Variants in ETV5 observed in about 807,000 individuals in gnomAD.
The protein encoded by ETV5 is ETS translocation variant 5.
In ETV5, 10 loss-of-function variants were observed where a neutral mutation model predicts 70.0. That is an observed-to-expected ratio of 0.14 (90% CI 0.09 to 0.24). ETV5 has a LOEUF of 0.24. Ranked by LOEUF, ETV5 falls within the 10% of genes least tolerant of loss-of-function variation. The pLI is 1.00. For missense variants in ETV5, 453 were observed against 651.2 expected (o/e 0.70, Z 3.31); for synonymous variants, 216 against 242.2 (o/e 0.89, Z 1.01).
At chr3:186,094,356 T>C (rs975498835) in intron 5 of ETV5, among the ~76,000 whole-genome samples, 6 of 152,184 alleles carry the variant, frequency 3.9e-5, no homozygotes, top group African/African-American at 1.2e-4. Flanking sequence ...CGGGACAAAA[T>C]TGCCTCTTGC....
At chr3:186,099,562 A>G (rs1423490980) in intron 5 of ETV5, among the ~76,000 whole-genome samples, 1 of 152,168 alleles carries the variant, frequency 6.6e-6, no homozygotes, top group African/African-American at 2.4e-5. Context: ...ACCACCACTA[A>G]AACCCAAGAA....
chr3:186,091,351 T>C (rs1714178676), intron 5 of ETV5, among the ~76,000 whole-genome samples: 1 of 152,182 alleles, frequency 6.6e-6, no homozygotes, highest in Non-Finnish European at 1.5e-5. Flanking sequence ...ATTTTTGCTA[T>C]TTGTCATATG....
chr3:186,098,841 G>A (rs1220533263), intron 5 of ETV5, among the ~76,000 whole-genome samples: 2 of 152,038 alleles, frequency 1.3e-5, no homozygotes, highest in Non-Finnish European at 2.9e-5. Context: ...AATGTCTTAT[G>A]TATGCTTCTT....
chr3:186,086,316 T>C (rs1253044649), intron 5 of ETV5, among the ~76,000 whole-genome samples: 1 of 152,224 alleles, frequency 6.6e-6, no homozygotes, highest in Non-Finnish European at 1.5e-5. Context: ...AATTTCATAG[T>C]TGCTTTTCTT....
Position 186,048,413 on chromosome 3 carries a change from A to G in ETV5, c.*226T>C. On this transcript the variant is annotated 3_prime_UTR_variant, in exon 13 of 13. Transcript: ENST00000306376. ...TCCCAGAAACCTCATCAGAATCAAG[A>G]GTTGAGGCACTGGCCTTTTGGTGGT... 1 of 562,844 alleles carries G rather than the reference A, an allele frequency of 1.8e-6. No homozygotes were observed. Among genetic ancestry groups the G allele is most frequent in the Non-Finnish European group, 3.2e-6 (1 of 313,940 alleles). 34.9% of individuals were successfully genotyped at this position (562,844 alleles called of 1,614,324 possible).
At chr3:186,088,241 C>T (rs1714102946) in intron 5 of ETV5, among the ~76,000 whole-genome samples, 1 of 152,210 alleles carries the variant, frequency 6.6e-6, no homozygotes, top group Non-Finnish European at 1.5e-5. Context: ...AAAGTTGTGT[C>T]TCATGACAGA....
At chr3:186,107,414 T>C (rs1714613688) in intron 1 of ETV5, among the ~76,000 whole-genome samples, 1 of 152,076 alleles carries the variant, frequency 6.6e-6, no homozygotes. Context: ...TAAGACATTT[T>C]GTGAATGTGT....
At chr3:186,050,842 G>A (rs1713010706) in intron 12 of ETV5, among the ~76,000 whole-genome samples, 1 of 152,168 alleles carries the variant, frequency 6.6e-6, no homozygotes, top group Non-Finnish European at 1.5e-5. Flanking sequence ...AATCTGAAAT[G>A]GAAAGGTGAC....
chr3:186,093,568 T>C (rs531793761), intron 5 of ETV5, among the ~76,000 whole-genome samples: 4 of 152,186 alleles, frequency 2.6e-5, no homozygotes, highest in Admixed American at 6.5e-5. Context: ...TGAAATACAA[T>C]TGGTTAGAAG....
At chr3:186,108,800 C>A (rs578005040) in intron 1 of ETV5, 140 bp downstream of exon 1, 74 of 355,092 alleles carry the variant, frequency 2.1e-4, no homozygotes, top group South Asian at 1.9e-3. Flanking sequence ...GGCGGTCAAC[C>A]CGGGGGGGGT....
rs1228997985 is a variant in ETV5 at position 186,047,406 on chromosome 3, C to G, written c.*1233G>C. 1 of 232,230 alleles carries G rather than the reference C, an allele frequency of 4.3e-6. No individual in the cohort carries two copies. Among genetic ancestry groups the G allele is most frequent in the Non-Finnish European group, 8.5e-6 (1 of 117,290 alleles). 14.4% of individuals were successfully genotyped at this position (232,230 alleles called of 1,614,324 possible). On this transcript the variant is annotated 3_prime_UTR_variant, in exon 13 of 13. Coordinates refer to ENST00000306376, the MANE Select transcript of ETV5 (RefSeq NM_004454.3). ...GATTTAAAGAAAAAGGAAAACAAAA[C>G]AAACTGATGAAATGGAAATTGTCAT... is the stretch of plus-strand genomic sequence containing the variant.
intron 1 of ETV5, among the ~76,000 whole-genome samples, chr3:186,107,718 C>T (rs1266069402): frequency 6.6e-6 from 1 of 152,134 alleles, no homozygotes; most frequent in African/African-American, 2.4e-5. Context: ...AGCGCAGCGG[C>T]GCGATCCAGG....
At chr3:186,097,503 G>A (rs1364128160) in intron 5 of ETV5, among the ~76,000 whole-genome samples, 1 of 152,150 alleles carries the variant, frequency 6.6e-6, no homozygotes, top group African/African-American at 2.4e-5. Flanking sequence ...AGATAAAAGG[G>A]TTTAACAGCC....
intron 7 of ETV5, among the ~76,000 whole-genome samples, chr3:186,066,309 C>T (rs1409654986): frequency 3.0e-5 from 4 of 135,186 alleles, no homozygotes; most frequent in African/African-American, 1.1e-4. Flanking sequence ...AGCCTCTTAT[C>T]TTCCATGTAT....
At chr3:186,106,796 A>G in intron 1 of ETV5, 1 of 235,500 alleles carries the variant, frequency 4.2e-6, no homozygotes, top group Non-Finnish European at 6.9e-6. Flanking sequence ...CTGGGGAAAA[A>G]GGGTGGGGTT....
chr3:186,092,480 C>A (rs961497293), intron 5 of ETV5, among the ~76,000 whole-genome samples: 3 of 152,144 alleles, frequency 2.0e-5, no homozygotes, highest in Non-Finnish European at 2.9e-5. Flanking sequence ...GTGACCCAGG[C>A]TAGAGAGCAA....
Position 186,046,523 on chromosome 3 carries a change from G to C in ETV5, c.*2116C>G, listed in dbSNP as rs1483034350. ...CCCGAAAAAAACAAAAACCATCCGG[G>C]AGGTGCATGAGTCCAATGGGAATGC... On this transcript the variant is annotated 3_prime_UTR_variant, in exon 13 of 13. Transcript: ENST00000306376. 3 of 232,074 alleles carry C rather than the reference G, an allele frequency of 1.3e-5. No individual in the cohort carries two copies. The highest frequency in any genetic ancestry group is 6.6e-5 in the African/African-American group (3 of 45,186). 14.4% of individuals were successfully genotyped at this position (232,074 alleles called of 1,614,324 possible).
chr3:186,107,817 C>A (rs930163797), intron 1 of ETV5, among the ~76,000 whole-genome samples: 1 of 152,070 alleles, frequency 6.6e-6, no homozygotes, highest in African/African-American at 2.4e-5. Flanking sequence ...GTAACTGGAT[C>A]TCTAGCGCTG....
rs1259463748 is a variant in ETV5 at position 186,047,564 on chromosome 3, T to C, written c.*1075A>G. The C allele has an allele frequency of 4.3e-6, 1 of 232,044 alleles. No individual in the cohort carries two copies. 14.4% of individuals were successfully genotyped at this position (232,044 alleles called of 1,614,324 possible). A position where few individuals can be genotyped will look rare whatever the true frequency, so the allele number is the denominator to read the frequency against. ...AACACGGGGAACTATACATAGAGAA[T>C]CTAAGCTTGTGTCCAGGCTGCCCTG... On this transcript the variant is annotated 3_prime_UTR_variant, in exon 13 of 13. Coordinates refer to ENST00000306376, the MANE Select transcript of ETV5 (RefSeq NM_004454.3).
Sources: gnomAD v4.1 joint callset for allele counts (sites outside exome capture counted in the v4.1 genomes callset) on GRCh38, gnomAD v4.1.1 for gene constraint, MANE v1.5 for transcripts, NCBI Gene and HGNC (gene_info 2026-07-23, HGNC 2026-07-21) for gene names.